CSMD1: variants seen among roughly 807,000 people sequenced by gnomAD.
CSMD1 encodes CUB and Sushi multiple domains 1, also known as CUB and sushi domain-containing protein 1.
CSMD1 carries 213 observed loss-of-function variants against 417.5 expected under a neutral mutation model. The observed-to-expected ratio is 0.51, with a 90% CI of 0.46 to 0.57. CSMD1 has a LOEUF of 0.57. Ranked by LOEUF, CSMD1 falls within the 20% of genes least tolerant of loss-of-function variation. The probability of loss-of-function intolerance (pLI) is 0.00; values close to 1 mark genes in which losing one functional copy is unlikely to be tolerated. For synonymous variants in CSMD1, 2,862 were observed against 1,736.8 expected, an observed-to-expected ratio of 1.65 and a Z score of -16.11; for missense variants, 6,923 against 4,529.7, an observed-to-expected ratio of 1.53 and a Z score of -15.17.
intron 25 of CSMD1, among the ~76,000 whole-genome samples, chr8:3,287,596 C>G (rs1291737400): frequency 6.6e-6 from 1 of 152,100 alleles, no homozygotes; most frequent in Non-Finnish European, 1.5e-5. Context: ...TGATTTGGCT[C>G]TCTGTTTGTC....
intron 3 of CSMD1, among the ~76,000 whole-genome samples, chr8:4,083,954 G>A (rs1375368719): frequency 6.6e-6 from 1 of 151,928 alleles, no homozygotes; most frequent in Non-Finnish European, 1.5e-5. Context: ...TCTGACAAAG[G>A]GCTAATATCC....
chr8:3,458,101 C>A (rs746568087), intron 12 of CSMD1, among the ~76,000 whole-genome samples: 1 of 152,108 alleles, frequency 6.6e-6, no homozygotes, highest in Non-Finnish European at 1.5e-5. Context: ...ACGTGAGCCC[C>A]GCAGCGCTTA....
chr8:3,958,468 A>T (rs1812119595), intron 5 of CSMD1, among the ~76,000 whole-genome samples: 1 of 151,950 alleles, frequency 6.6e-6, no homozygotes, highest in South Asian at 2.1e-4. Context: ...TTTAAAAATG[A>T]ATTATAATTG....
chr8:4,450,800 T>C (rs1029872346), intron 2 of CSMD1, among the ~76,000 whole-genome samples: 4 of 152,162 alleles, frequency 2.6e-5, no homozygotes, highest in Non-Finnish European at 5.9e-5. Flanking sequence ...TTTGCTTTCA[T>C]TTACGAGAGG....
intron 5 of CSMD1, among the ~76,000 whole-genome samples, chr8:3,899,154 C>T (rs1037450495): frequency 6.6e-6 from 1 of 152,168 alleles, no homozygotes; most frequent in Non-Finnish European, 1.5e-5. Flanking sequence ...CAAAGATTGC[C>T]AGTACTGTCA....
intron 12 of CSMD1, among the ~76,000 whole-genome samples, chr8:3,411,143 C>A (rs530537102): frequency 2.6e-5 from 4 of 152,274 alleles, no homozygotes; most frequent in African/African-American, 9.6e-5. Context: ...CTGGTGTCAT[C>A]TGACTACAGA....
chr8:3,635,812 A>AAAAAG (rs1554495065), intron 7 of CSMD1, among the ~76,000 whole-genome samples: 17 of 117,652 alleles, frequency 1.4e-4, no homozygotes, highest in African/African-American at 4.6e-4. Context: ...AAAAAAAAAA[A>AAAAAG]AAAGAAAGAA....
chr8:4,964,807 C>G (rs1395918737), intron 1 of CSMD1, among the ~76,000 whole-genome samples: 3 of 152,136 alleles, frequency 2.0e-5, no homozygotes, highest in African/African-American at 4.8e-5. Flanking sequence ...TCGTCGTTGT[C>G]CACCTGTTGT....
At chr8:4,095,257 G>C (rs1800943619) in intron 3 of CSMD1, among the ~76,000 whole-genome samples, 1 of 152,136 alleles carries the variant, frequency 6.6e-6, no homozygotes, top group African/African-American at 2.4e-5. Flanking sequence ...TCCCTAAGAG[G>C]TTCCTCCGAG....
intron 1 of CSMD1, among the ~76,000 whole-genome samples, chr8:4,837,530 G>A (rs910061904): frequency 2.0e-5 from 3 of 152,048 alleles, no homozygotes; most frequent in Non-Finnish European, 2.9e-5. Context: ...TTGCAGCTTT[G>A]GTTCTTATCT....
intron 30 of CSMD1, among the ~76,000 whole-genome samples, chr8:3,205,930 A>G (rs1319102383): frequency 6.6e-6 from 1 of 152,164 alleles, no homozygotes; most frequent in Non-Finnish European, 1.5e-5. Context: ...TGATTAAATT[A>G]TTTTAGAAAG....
At chr8:4,286,113 G>T (rs533524000) in intron 3 of CSMD1, among the ~76,000 whole-genome samples, 1 of 152,026 alleles carries the variant, frequency 6.6e-6, no homozygotes. Flanking sequence ...GACCGTTCAC[G>T]TTAACGATAT....
chr8:4,347,307 A>T (rs1464731320), intron 3 of CSMD1, among the ~76,000 whole-genome samples: 1 of 152,180 alleles, frequency 6.6e-6, no homozygotes, highest in Non-Finnish European at 1.5e-5. Flanking sequence ...AGCAGCAACT[A>T]TAAAATTATT....
chr8:3,543,806 G>T (rs1218407795), intron 10 of CSMD1, among the ~76,000 whole-genome samples: 1 of 152,186 alleles, frequency 6.6e-6, no homozygotes, highest in Non-Finnish European at 1.5e-5. Flanking sequence ...TGAGTTCAGA[G>T]TCTGAATAGG....
intron 3 of CSMD1, among the ~76,000 whole-genome samples, chr8:4,056,337 C>T (rs1798689068): frequency 6.6e-6 from 1 of 151,714 alleles, no homozygotes; most frequent in Non-Finnish European, 1.5e-5. Context: ...CCCGCGTCAG[C>T]CTCCCAAAGT....
Position 3,686,190 on chromosome 8 carries a change from G to C in CSMD1, c.1009+22224C>G, listed in dbSNP as rs187226299. Among the ~76,000 whole-genome samples the C allele has an allele frequency of 2.7e-3, 416 of 152,222 alleles. 1 individual carries two copies. The highest frequency in any genetic ancestry group is 0.021 in the Middle Eastern group (6 of 290). On this transcript the variant is annotated intron_variant, in intron 7 of 69. Transcript: ENST00000635120. ...CTTATTTGAAATTAAGCTTGGGCTTGTTTCTGTGAAGTTAGAGTGTGGGTC... is the reference window on the plus strand; with the variant it reads ...CTTATTTGAAATTAAGCTTGGGCTTCTTTCTGTGAAGTTAGAGTGTGGGTC...
chr8:4,146,671 G>C (rs951984008), intron 3 of CSMD1, among the ~76,000 whole-genome samples: 1 of 125,770 alleles, frequency 8.0e-6, no homozygotes, highest in Non-Finnish European at 1.6e-5. Flanking sequence ...GAGCGCAGTG[G>C]TGTGATCTGG....
At chr8:3,846,407 A>G (rs1397033965) in intron 5 of CSMD1, among the ~76,000 whole-genome samples, 69 of 151,882 alleles carry the variant, frequency 4.5e-4, no homozygotes, top group Admixed American at 4.5e-3. Flanking sequence ...AGATAAACAT[A>G]TGTAAGTTTT....
chr8:4,611,542 T>C (rs1000886079), intron 2 of CSMD1, among the ~76,000 whole-genome samples: 1 of 152,188 alleles, frequency 6.6e-6, no homozygotes, highest in Non-Finnish European at 1.5e-5. Context: ...CCCGTATATG[T>C]ATTGCCAAAT....
Sources: gnomAD v4.1 joint callset for allele counts (sites outside exome capture counted in the v4.1 genomes callset) on GRCh38, gnomAD v4.1.1 for gene constraint, MANE v1.5 for transcripts, NCBI Gene and HGNC (gene_info 2026-07-23, HGNC 2026-07-21) for gene names.